UBR1: variants seen among roughly 807,000 people sequenced by gnomAD.
UBR1 encodes E3 ubiquitin-protein ligase UBR1.
In UBR1, 102 loss-of-function variants were observed where a neutral mutation model predicts 242.1. The observed-to-expected ratio is 0.42, with a 90% confidence interval of 0.36 to 0.50. The LOEUF is 0.50. UBR1 is among the 20% of genes least tolerant of loss of function. The pLI is 0.01. For synonymous variants in UBR1, 675 were observed against 684.8 expected (o/e 0.99, Z 0.22); for missense variants, 1,772 against 2,101.8 (o/e 0.84, Z 3.07).
chr15:43,085,901 A>G, intron 2 of UBR1, 83 bp downstream of exon 2: 1 of 1,436,678 alleles, frequency 7.0e-7, no homozygotes, highest in East Asian at 2.5e-5. Flanking sequence ...AGCCTGGGTC[A>G]CACAGCAAGA....
chr15:43,073,807 T>C (rs2033853777), intron 4 of UBR1, among the ~76,000 whole-genome samples: 1 of 152,216 alleles, frequency 6.6e-6, no homozygotes, highest in South Asian at 2.1e-4. Context: ...GCTTGCCTTA[T>C]ACTTCCCCTG....
At chr15:43,105,616 T>C (rs2034286880) in intron 1 of UBR1, among the ~76,000 whole-genome samples, 1 of 152,154 alleles carries the variant, frequency 6.6e-6, no homozygotes, top group South Asian at 2.1e-4. Flanking sequence ...GTACTGCTTC[T>C]ATACGAAAAT....
Position 43,003,919 on chromosome 15 carries a change from G to C in UBR1, c.3427C>G (p.Pro1143Ala). 1 of 1,614,056 alleles carries C rather than the reference G, an allele frequency of 6.2e-7. No individual in the cohort carries two copies. Among genetic ancestry groups the C allele is most frequent in the Non-Finnish European group, 8.5e-7 (1 of 1,179,988 alleles). ...GCCAAGTCTGGATCCATGAAAAGTG[G>C]GTCTAGGGCTTCTGGTACAAGGTAT... ...PIELSGEALD[P>A]LFMDPDLAYG... The change falls in exon 31 of 47, where the codon CCA becomes GCA. Residue 1143 changes from proline (P) to alanine (A), a missense_variant. By Grantham distance (27) the Pro-to-Ala change is conservative (BLOSUM62 -1). Coordinates refer to ENST00000290650, the MANE Select transcript of UBR1 (RefSeq NM_174916.3).
chr15:42,994,102 T>A (rs1343284950), intron 33 of UBR1, among the ~76,000 whole-genome samples: 1 of 152,208 alleles, frequency 6.6e-6, no homozygotes, highest in Non-Finnish European at 1.5e-5. Flanking sequence ...AACAGTATTT[T>A]AAAATTCCTA....
chr15:43,059,659 A>G, intron 8 of UBR1, 43 bp downstream of exon 8: 1 of 1,610,860 alleles, frequency 6.2e-7, no homozygotes, highest in Non-Finnish European at 8.5e-7. Context: ...TATAAAACAC[A>G]TAGTATTTTA....
intron 33 of UBR1, among the ~76,000 whole-genome samples, chr15:42,995,726 A>G (rs1424909593): frequency 6.6e-6 from 1 of 152,170 alleles, no homozygotes; most frequent in East Asian, 1.9e-4. Flanking sequence ...CATGCCAAAA[A>G]TCACTTCTTA....
intron 3 of UBR1, among the ~76,000 whole-genome samples, chr15:43,081,804 A>G (rs912469977): frequency 2.6e-5 from 4 of 152,122 alleles, no homozygotes; most frequent in African/African-American, 9.7e-5. Flanking sequence ...TTTTTAATCC[A>G]GTAATTCCAC....
intron 1 of UBR1, among the ~76,000 whole-genome samples, chr15:43,102,529 G>C (rs1375519054): frequency 6.6e-6 from 1 of 152,194 alleles, no homozygotes; most frequent in Non-Finnish European, 1.5e-5. Flanking sequence ...GAAAAGAGCT[G>C]AGTATCATGC....
intron 4 of UBR1, 144 bp from the exon 5 acceptor site, chr15:43,071,069 T>C: frequency 8.6e-7 from 1 of 1,161,796 alleles, no homozygotes; most frequent in East Asian, 2.5e-5. Flanking sequence ...CTCAAGAGGG[T>C]TGCTATATAT....
chr15:43,016,830 G>A (rs1191617411), intron 28 of UBR1, among the ~76,000 whole-genome samples: 6 of 152,262 alleles, frequency 3.9e-5, no homozygotes, highest in African/African-American at 1.4e-4. Context: ...ACCCACCTCC[G>A]CCTCTCAAAG....
intron 33 of UBR1, among the ~76,000 whole-genome samples, chr15:42,997,389 A>G (rs2032656559): frequency 6.6e-6 from 1 of 152,214 alleles, no homozygotes; most frequent in South Asian, 2.1e-4. Context: ...AATAAAATGC[A>G]CAATAAATGT....
At chr15:43,002,120 T>C (rs537226545) in intron 32 of UBR1, among the ~76,000 whole-genome samples, 1 of 152,176 alleles carries the variant, frequency 6.6e-6, no homozygotes, top group Non-Finnish European at 1.5e-5. Flanking sequence ...TTTAAAAGTA[T>C]AATACAAGAT....
chr15:42,994,784 A>G (rs1456591004), intron 33 of UBR1, among the ~76,000 whole-genome samples: 2 of 152,212 alleles, frequency 1.3e-5, no homozygotes, highest in Admixed American at 6.5e-5. Context: ...AATGCTTACT[A>G]TTAATACCAC....
chr15:43,024,138 A>G (rs1327585138), intron 25 of UBR1, among the ~76,000 whole-genome samples: 2 of 152,250 alleles, frequency 1.3e-5, no homozygotes, highest in Non-Finnish European at 2.9e-5. Flanking sequence ...CTTGGTTTCA[A>G]ACATATCTCT....
At chr15:43,018,862 A>C (rs1162016534) in intron 27 of UBR1, among the ~76,000 whole-genome samples, 2 of 152,242 alleles carry the variant, frequency 1.3e-5, no homozygotes, top group African/African-American at 4.8e-5. Context: ...TTCTAATTGA[A>C]AATGAATTTT....
intron 46 of UBR1, among the ~76,000 whole-genome samples, chr15:42,946,561 A>C (rs1359216704): frequency 6.6e-6 from 1 of 152,230 alleles, no homozygotes; most frequent in Non-Finnish European, 1.5e-5. Context: ...GTCAAATGTC[A>C]TCCCAATAAA....
intron 19 of UBR1, among the ~76,000 whole-genome samples, chr15:43,033,180 G>C (rs1005467349): frequency 1.3e-5 from 2 of 152,032 alleles, no homozygotes; most frequent in South Asian, 2.1e-4. Context: ...ACTGCTCCTG[G>C]CTATCCCAGA....
chr15:43,036,982 G>A (rs1314117245), intron 17 of UBR1, among the ~76,000 whole-genome samples: 1 of 148,322 alleles, frequency 6.7e-6, no homozygotes, highest in East Asian at 2.0e-4. Flanking sequence ...ATGTAGGTTT[G>A]TTACAGAGGT....
At chr15:42,978,039 T>A in intron 37 of UBR1, 92 bp from the exon 38 acceptor site, 1 of 952,176 alleles carries the variant, frequency 1.1e-6, no homozygotes, top group Non-Finnish European at 1.7e-6. Flanking sequence ...ACCAAACATA[T>A]AACAGGGTTA....
Sources: gnomAD v4.1 joint callset for allele counts (sites outside exome capture counted in the v4.1 genomes callset) on GRCh38, gnomAD v4.1.1 for gene constraint, MANE v1.5 for transcripts, NCBI Gene and HGNC (gene_info 2026-07-23, HGNC 2026-07-21) for gene names.